The following RLF variants were observed in gnomAD, a reference collection of about 807,000 sequenced individuals.
RLF encodes zinc finger protein Rlf.
In RLF, 7 loss-of-function variants were observed where a neutral mutation model predicts 162.9. The observed-to-expected ratio is 0.04, with a 90% confidence interval of 0.02 to 0.08. RLF has a LOEUF of 0.08. Among genes scored for constraint, RLF ranks in the 10% least tolerant of loss-of-function variants. The pLI is 1.00. For missense variants in RLF, 1,664 were observed against 2,244.7 expected (o/e 0.74, Z 5.23); for synonymous variants, 782 against 791.5 (o/e 0.99, Z 0.20).
intron 5 of RLF, among the ~76,000 whole-genome samples, chr1:40,220,877 A>G (rs1191761858): frequency 1.3e-5 from 2 of 151,780 alleles, no homozygotes; most frequent in Non-Finnish European, 2.9e-5. Flanking sequence ...TATAATCCCA[A>G]CACTTTGAGA....
At chr1:40,220,970 TAA>T (rs750563466) in intron 5 of RLF, among the ~76,000 whole-genome samples, 41 of 101,770 alleles carry the variant, frequency 4.0e-4, no homozygotes, top group African/African-American at 4.0e-4. Flanking sequence ...CTACAAAAAT[TAA>T]AAAAAAAAAA....
chr1:40,195,775 A>G lies in RLF; in HGVS notation c.607+11A>G. On this transcript the variant is annotated intron_variant, in intron 4 of 7. Transcript: ENST00000372771. ...TAGAAACGGAGGAAGGTAAGTCTTA[A>G]GACTATATTGGATGAGGATTTAGTT... The G allele has an allele frequency of 6.2e-7, 1 of 1,607,688 alleles. No individual in the cohort carries two copies. Among genetic ancestry groups the G allele is most frequent in the Non-Finnish European group, 8.5e-7 (1 of 1,177,636 alleles).
At chr1:40,232,842 T>C (rs1228122593) in intron 7 of RLF, among the ~76,000 whole-genome samples, 1 of 152,148 alleles carries the variant, frequency 6.6e-6, no homozygotes, top group East Asian at 1.9e-4. Flanking sequence ...GTAGCTGAGA[T>C]TGCAGGCGTG....
At chr1:40,214,942 A>AAAAAAAAAAAAAAAAAAAAAAAG (rs1557753884) in intron 5 of RLF, among the ~76,000 whole-genome samples, 1 of 147,494 alleles carries the variant, frequency 6.8e-6, no homozygotes, top group Non-Finnish European at 1.5e-5. Context: ...AAAAAAAAAA[A>AAAAAAAAAAAAAAAAAAAAAAAG]AAACTAAAGT....
At chr1:40,194,511 G>T (rs903297745) in intron 3 of RLF, among the ~76,000 whole-genome samples, 11 of 151,554 alleles carry the variant, frequency 7.3e-5, no homozygotes, top group South Asian at 4.2e-4. Context: ...GTGGTGGCAG[G>T]CGCCTGTAAT....
At chr1:40,200,363 G>A (rs1642695380) in intron 4 of RLF, among the ~76,000 whole-genome samples, 1 of 152,114 alleles carries the variant, frequency 6.6e-6, no homozygotes, top group Non-Finnish European at 1.5e-5. Context: ...GGAATTTGTT[G>A]TGTAGATTTA....
chr1:40,240,807 T>G lies in RLF; in HGVS notation c.*360T>G, dbSNP rs748470683. On this transcript the variant is annotated 3_prime_UTR_variant, in exon 8 of 8. Coordinates refer to ENST00000372771, the MANE Select transcript of RLF (RefSeq NM_012421.4). ...GGTGGGAGGGCTAGGGAAAGGGATATGGAGTTCTTACTTGACTTGAATGTG... is the reference window on the plus strand; with the variant it reads ...GGTGGGAGGGCTAGGGAAAGGGATAGGGAGTTCTTACTTGACTTGAATGTG... The G allele has an allele frequency of 8.8e-5, 18 of 205,192 alleles. No homozygotes were observed. Among genetic ancestry groups the G allele is most frequent in the Non-Finnish European group, 1.5e-4 (15 of 100,850 alleles). The allele number at this position is 205,192 out of a possible 1,614,324, so 12.7% of individuals were successfully genotyped here.
At chr1:40,191,924 A>G (rs186177997) in intron 3 of RLF, among the ~76,000 whole-genome samples, 19 of 152,338 alleles carry the variant, frequency 1.2e-4, no homozygotes, top group Non-Finnish European at 2.4e-4. Context: ...AAAGTTACAC[A>G]CAGATTTCAA....
chr1:40,194,766 A>G (rs753942373), intron 3 of RLF, among the ~76,000 whole-genome samples: 1 of 151,978 alleles, frequency 6.6e-6, no homozygotes, highest in South Asian at 2.1e-4. Flanking sequence ...AATTCAGGAA[A>G]ACGTTTTAAA....
intron 1 of RLF, among the ~76,000 whole-genome samples, chr1:40,179,546 CTT>C (rs35301710): frequency 5.9e-4 from 84 of 143,372 alleles, no homozygotes; most frequent in Admixed American, 6.3e-4. Context: ...AAAGTTAACT[CTT>C]TTTTTTTTTT....
intron 1 of RLF, among the ~76,000 whole-genome samples, chr1:40,166,916 A>G (rs1289327617): frequency 6.6e-6 from 1 of 151,936 alleles, no homozygotes; most frequent in Non-Finnish European, 1.5e-5. Flanking sequence ...TGACGAGTTA[A>G]TGGGTACAGC....
intron 2 of RLF, among the ~76,000 whole-genome samples, chr1:40,189,770 C>G (rs2124535476): frequency 1.3e-5 from 2 of 151,920 alleles, no homozygotes; most frequent in South Asian, 4.2e-4. Context: ...CCACTGCACT[C>G]CAGCCTGGGT....
intron 1 of RLF, among the ~76,000 whole-genome samples, chr1:40,188,685 G>T (rs142082329): frequency 1.3e-5 from 2 of 151,648 alleles, no homozygotes; most frequent in African/African-American, 2.4e-5. Context: ...TTCATCTCTT[G>T]TTGTAGAAGG....
intron 4 of RLF, among the ~76,000 whole-genome samples, chr1:40,198,329 C>T (rs1642666290): frequency 8.0e-6 from 1 of 125,534 alleles, no homozygotes; most frequent in African/African-American, 3.0e-5. Flanking sequence ...TTAAAGACAG[C>T]GTTTCACTCT....
chr1:40,202,147 C>T (rs1287446609), intron 4 of RLF, among the ~76,000 whole-genome samples: 2 of 152,256 alleles, frequency 1.3e-5, no homozygotes, highest in Middle Eastern at 3.4e-3. Flanking sequence ...CTTGATGTCT[C>T]GTAAGCATTC....
At chr1:40,166,745 A>G (rs981153775) in intron 1 of RLF, among the ~76,000 whole-genome samples, 10 of 151,626 alleles carry the variant, frequency 6.6e-5, no homozygotes, top group East Asian at 1.9e-4. Flanking sequence ...TGAGCAAACT[A>G]TTGCAAGGAC....
intron 1 of RLF, among the ~76,000 whole-genome samples, chr1:40,184,979 G>T (rs1475774619): frequency 6.6e-6 from 1 of 152,060 alleles, no homozygotes; most frequent in African/African-American, 2.4e-5. Flanking sequence ...GCTCACACCT[G>T]TAATCCCAGC....
At chr1:40,224,201 T>G (rs1178219147) in intron 6 of RLF, among the ~76,000 whole-genome samples, 4 of 152,172 alleles carry the variant, frequency 2.6e-5, no homozygotes, top group Admixed American at 6.5e-5. Flanking sequence ...AGATTTCCCT[T>G]TGTGGCCTCC....
intron 5 of RLF, among the ~76,000 whole-genome samples, chr1:40,205,331 G>A (rs68102323): frequency 8.5e-5 from 13 of 152,054 alleles, no homozygotes; most frequent in Non-Finnish European, 7.4e-5. Context: ...ACAACAGAAC[G>A]AGACTCTGTC....
Sources: gnomAD v4.1 joint callset for allele counts (sites outside exome capture counted in the v4.1 genomes callset) on GRCh38, gnomAD v4.1.1 for gene constraint, MANE v1.5 for transcripts, NCBI Gene and HGNC (gene_info 2026-07-23, HGNC 2026-07-21) for gene names.